SLC4A10: variants seen among roughly 807,000 people sequenced by gnomAD.
SLC4A10 encodes the protein solute carrier family 4 member 10, also known as sodium-driven chloride bicarbonate exchanger.
SLC4A10 carries 42 observed loss-of-function variants against 137.7 expected under a neutral mutation model. The ratio of observed to expected loss-of-function variants is 0.30; its 90% CI spans 0.24 to 0.39. The LOEUF is 0.39. Ranked by LOEUF, SLC4A10 falls within the 10% of genes least tolerant of loss-of-function variation. The probability of loss-of-function intolerance (pLI) is 1.00; values close to 1 mark genes in which losing one functional copy is unlikely to be tolerated. For missense variants in SLC4A10, 925 were observed against 1,355.0 expected (o/e 0.68, Z 4.98); for synonymous variants, 474 against 464.1 (o/e 1.02, Z -0.27).
intron 19 of SLC4A10, among the ~76,000 whole-genome samples, chr2:161,953,930 A>G (rs1343356325): frequency 2.6e-5 from 4 of 152,240 alleles, no homozygotes; most frequent in Non-Finnish European, 4.4e-5. Flanking sequence ...GAAAAGCATT[A>G]AAAATATCTA....
chr2:161,698,103 CTGTT>C (rs1018814660), intron 1 of SLC4A10, among the ~76,000 whole-genome samples: 13 of 152,140 alleles, frequency 8.5e-5, no homozygotes, highest in Admixed American at 5.2e-4. Flanking sequence ...ATTTGGCTCT[CTGTT>C]TGTCTGTTAT....
At chr2:161,906,836 C>T (rs992011524) in intron 15 of SLC4A10, among the ~76,000 whole-genome samples, 3 of 151,888 alleles carry the variant, frequency 2.0e-5, no homozygotes, top group African/African-American at 4.8e-5. Flanking sequence ...GGGCGGATCA[C>T]GAGGTCAGGA....
chr2:161,813,275 A>G (rs1246494254), intron 3 of SLC4A10, among the ~76,000 whole-genome samples: 1 of 152,058 alleles, frequency 6.6e-6, no homozygotes, highest in African/African-American at 2.4e-5. Context: ...GCTATATCTT[A>G]AGATTGCTTA....
intron 15 of SLC4A10, among the ~76,000 whole-genome samples, chr2:161,935,709 A>G (rs1035326436): frequency 1.3e-5 from 2 of 152,154 alleles, no homozygotes; most frequent in East Asian, 3.9e-4. Flanking sequence ...TTAAAGTGCT[A>G]CCCATTTTTA....
intron 9 of SLC4A10, among the ~76,000 whole-genome samples, chr2:161,880,838 T>A (rs182573259): frequency 7.9e-5 from 12 of 152,188 alleles, no homozygotes; most frequent in African/African-American, 1.2e-4. Flanking sequence ...TATGAGCAAA[T>A]GATGGCTATT....
intron 10 of SLC4A10, among the ~76,000 whole-genome samples, chr2:161,887,580 A>G (rs889983675): frequency 8.6e-5 from 13 of 151,766 alleles, no homozygotes; most frequent in African/African-American, 3.1e-4. Flanking sequence ...GCTTTTTTTC[A>G]TGTTTCTTGG....
At chr2:161,859,065 C>G (rs2060256961) in intron 5 of SLC4A10, among the ~76,000 whole-genome samples, 1 of 152,098 alleles carries the variant, frequency 6.6e-6, no homozygotes, top group Non-Finnish European at 1.5e-5. Flanking sequence ...TATTCCCCCC[C>G]ACCTCTCCCA....
At chr2:161,960,131 C>G (rs981440080) in intron 21 of SLC4A10, among the ~76,000 whole-genome samples, 1 of 151,252 alleles carries the variant, frequency 6.6e-6, no homozygotes, top group Non-Finnish European at 1.5e-5. Context: ...TTTGGGAAGC[C>G]GAGGTGGGCG....
intron 1 of SLC4A10, among the ~76,000 whole-genome samples, chr2:161,735,526 C>A (rs1448251121): frequency 6.6e-6 from 1 of 151,910 alleles, no homozygotes; most frequent in Non-Finnish European, 1.5e-5. Context: ...ACACAAGTAC[C>A]CTTCCTAATG....
chr2:161,909,684 G>A (rs938963511), intron 15 of SLC4A10, among the ~76,000 whole-genome samples: 8 of 151,676 alleles, frequency 5.3e-5, no homozygotes, highest in Admixed American at 1.3e-4. Context: ...CTTGCTCCTT[G>A]GAGTAGCAAA....
rs564012496 is a variant in SLC4A10, at chr2:161,682,911, A to G, written c.48+58345A>G. On this transcript the variant is annotated intron_variant, in intron 1 of 26. Coordinates refer to ENST00000446997, the MANE Select transcript of SLC4A10 (RefSeq NM_001178015.2). ...GGCATAGGCTCAGAGTTGCCCCTGC[A>G]TAATTTATAATGAATTTGTAATATA... Among the ~76,000 whole-genome samples, 19 of 152,266 alleles carry G rather than the reference A, an allele frequency of 1.2e-4. No individual in the cohort carries two copies. The South Asian group carries it at 3.7e-3, about 30-fold the overall frequency.
chr2:161,689,078 ATGTGTT>A (rs1416959623), intron 1 of SLC4A10, among the ~76,000 whole-genome samples: 4 of 152,216 alleles, frequency 2.6e-5, no homozygotes, highest in African/African-American at 9.6e-5. Context: ...CAGCTGTACA[ATGTGTT>A]TGTATTTTAA....
chr2:161,626,518 T>C (rs2032398307), intron 1 of SLC4A10, among the ~76,000 whole-genome samples: 1 of 152,128 alleles, frequency 6.6e-6, no homozygotes, highest in Admixed American at 6.5e-5. Context: ...GGAATCATAT[T>C]AGCAGATCAT....
At chr2:161,651,168 G>A (rs544827358) in intron 1 of SLC4A10, 1 of 152,588 alleles carries the variant, frequency 6.6e-6, no homozygotes, top group East Asian at 1.9e-4. Flanking sequence ...CTGTAGGAAG[G>A]AGCTACCCAT....
chr2:161,712,637 A>G (rs781562630), intron 1 of SLC4A10, among the ~76,000 whole-genome samples: 20 of 151,992 alleles, frequency 1.3e-4, no homozygotes, highest in Admixed American at 2.6e-4. Context: ...TTGATAGAGT[A>G]TAATATTTTG....
intron 1 of SLC4A10, among the ~76,000 whole-genome samples, chr2:161,666,111 T>C (rs2039016139): frequency 6.6e-6 from 1 of 151,154 alleles, no homozygotes; most frequent in African/African-American, 2.4e-5. Flanking sequence ...CCCAAAATAA[T>C]AAAAAAAGGA....
At chr2:161,884,356 C>T (rs1205426794) in intron 10 of SLC4A10, among the ~76,000 whole-genome samples, 1 of 152,152 alleles carries the variant, frequency 6.6e-6, no homozygotes, top group African/African-American at 2.4e-5. Flanking sequence ...ATCAATGTAT[C>T]TCTCTTCTCT....
intron 6 of SLC4A10, among the ~76,000 whole-genome samples, chr2:161,864,862 T>A (rs915446000): frequency 3.9e-5 from 6 of 152,164 alleles, no homozygotes; most frequent in African/African-American, 1.4e-4. Context: ...ATGCTTATAA[T>A]GCTAGTATTT....
intron 11 of SLC4A10, among the ~76,000 whole-genome samples, chr2:161,897,583 C>G (rs1178492818): frequency 6.6e-6 from 1 of 152,082 alleles, no homozygotes; most frequent in Non-Finnish European, 1.5e-5. Flanking sequence ...TTTATATTTT[C>G]ATTTTGAAAT....
Sources: gnomAD v4.1 joint callset for allele counts (sites outside exome capture counted in the v4.1 genomes callset) on GRCh38, gnomAD v4.1.1 for gene constraint, MANE v1.5 for transcripts, NCBI Gene and HGNC (gene_info 2026-07-23, HGNC 2026-07-21) for gene names.